ELAVL4: variants seen among roughly 807,000 people sequenced by gnomAD.
The protein encoded by ELAVL4 is ELAV-like protein 4.
A neutral mutation model predicts 35.6 loss-of-function variants in ELAVL4; 1 was observed. The ratio of observed to expected loss-of-function variants is 0.03; its 90% CI spans 0.01 to 0.13. The LOEUF (loss-of-function observed/expected upper bound fraction) is 0.13. ELAVL4 is among the 10% of genes least tolerant of loss of function. The pLI is 1.00. For synonymous variants in ELAVL4, 156 were observed against 171.0 expected (o/e 0.91, Z 0.69); for missense variants, 267 against 464.9 (o/e 0.57, Z 3.91).
chr1:50,099,222 TA>T (rs772606007), upstream of ELAVL4, among the ~76,000 whole-genome samples: 13 of 152,102 alleles, frequency 8.5e-5, no homozygotes, highest in Non-Finnish European at 1.6e-4. Flanking sequence ...ATAAGGCAAA[TA>T]ACGTACAATT....
At chr1:50,196,764 T>C (rs1644086228) in intron 5 of ELAVL4, among the ~76,000 whole-genome samples, 1 of 152,196 alleles carries the variant, frequency 6.6e-6, no homozygotes, top group Non-Finnish European at 1.5e-5. Flanking sequence ...AAAAAGCCTC[T>C]CCAGCAGACT....
rs1217474097 is a variant in ELAVL4 at position 50,202,807 on chromosome 1, CTT to C, written c.*1630_*1631del. On this transcript the variant is annotated 3_prime_UTR_variant, in exon 7 of 7. Coordinates refer to ENST00000371824, the MANE Select transcript of ELAVL4 (RefSeq NM_001144774.3). ...GACAGTTAAAGAGGTATCAAGGTAA[CTT>C]GTGTAGAACTATTCTTTGATATATT... The C allele has an allele frequency of 6.6e-6, 1 of 152,056 alleles. No individual in the cohort carries two copies. Among genetic ancestry groups the C allele is most frequent in the Non-Finnish European group, 1.5e-5 (1 of 67,990 alleles). 9.4% of individuals were successfully genotyped at this position (152,056 alleles called of 1,614,324 possible). A position where few individuals can be genotyped will look rare whatever the true frequency, so the allele number is the denominator to read the frequency against.
At chr1:50,141,576 G>C (rs1216521937) in intron 1 of ELAVL4, among the ~76,000 whole-genome samples, 2 of 152,164 alleles carry the variant, frequency 1.3e-5, no homozygotes, top group Non-Finnish European at 2.9e-5. Flanking sequence ...GAGTTGTGCT[G>C]ATGCTCTGTA....
intron 5 of ELAVL4, among the ~76,000 whole-genome samples, chr1:50,196,200 A>G (rs1027136016): frequency 1.3e-5 from 2 of 152,204 alleles, no homozygotes; most frequent in African/African-American, 2.4e-5. Context: ...TGTTTTTCCT[A>G]TCTTCTTTTC....
At chr1:50,163,260 C>T (rs1677119316) in intron 2 of ELAVL4, among the ~76,000 whole-genome samples, 1 of 152,164 alleles carries the variant, frequency 6.6e-6, no homozygotes, top group Admixed American at 6.5e-5. Context: ...ACTATTGTAA[C>T]ACTTAACTAT....
chr1:50,132,377 A>C (rs1671003931), intron 1 of ELAVL4, among the ~76,000 whole-genome samples: 1 of 152,170 alleles, frequency 6.6e-6, no homozygotes, highest in Non-Finnish European at 1.5e-5. Flanking sequence ...GTAATTAACA[A>C]AAGTGGGAGC....
intron 1 of ELAVL4, among the ~76,000 whole-genome samples, chr1:50,095,711 T>C (rs1295722144): frequency 2.0e-5 from 3 of 152,188 alleles, no homozygotes; most frequent in Non-Finnish European, 2.9e-5. Flanking sequence ...CTCTTTTCCA[T>C]AGCTTTCACA....
chr1:50,118,697 G>A (rs919530427), intron 1 of ELAVL4, among the ~76,000 whole-genome samples: 1 of 151,894 alleles, frequency 6.6e-6, no homozygotes, highest in South Asian at 2.1e-4. Flanking sequence ...TGTTCTAAAT[G>A]GGGACCTGTT....
chr1:50,195,807 A>G (rs1042404696), intron 5 of ELAVL4, 21 bp downstream of exon 5: 1 of 1,613,440 alleles, frequency 6.2e-7, no homozygotes, highest in Non-Finnish European at 8.5e-7. Flanking sequence ...CCAAAGAGGA[A>G]GAAGCCCTGC....
chr1:50,177,247 T>A, intron 3 of ELAVL4, 55 bp downstream of exon 3: 1 of 1,379,576 alleles, frequency 7.2e-7, no homozygotes, highest in Non-Finnish European at 1.0e-6. Context: ...AATTTCATTC[T>A]GTTGATCTGG....
At chr1:50,059,531 A>G (rs1202963550) in intron 1 of ELAVL4, among the ~76,000 whole-genome samples, 1 of 152,174 alleles carries the variant, frequency 6.6e-6, no homozygotes, top group East Asian at 1.9e-4. Flanking sequence ...TTTAAAAAAA[A>G]AGTATTGGTG....
chr1:50,195,893 C>T (rs981493536), intron 5 of ELAVL4, 107 bp downstream of exon 5: 10 of 1,293,186 alleles, frequency 7.7e-6, no homozygotes, highest in Admixed American at 6.9e-5. Flanking sequence ...AAAGCTTCCA[C>T]CCCCAGGAAT....
In ELAVL4 at chr1:50,202,541, G is replaced by A. The variant is rs1207910995; in HGVS notation, c.*1363G>A. ...TGAAACACTTATTTATTTAATCGCCGATGTGATGATGCCTATGGCCGAGAT... is the reference window on the plus strand; with the variant it reads ...TGAAACACTTATTTATTTAATCGCCAATGTGATGATGCCTATGGCCGAGAT... On this transcript the variant is annotated 3_prime_UTR_variant, in exon 7 of 7. Transcript: ENST00000371824. 6.6e-6 allele frequency: 1 copy of A among 152,064 alleles called. No homozygotes were observed. Among genetic ancestry groups the A allele is most frequent in the African/African-American group, 2.4e-5 (1 of 41,438 alleles). 9.4% of individuals were successfully genotyped at this position (152,064 alleles called of 1,614,324 possible).
At chr1:50,199,238 G>A (rs1644253431) in intron 6 of ELAVL4, among the ~76,000 whole-genome samples, 4 of 152,178 alleles carry the variant, frequency 2.6e-5, no homozygotes, top group Admixed American at 2.6e-4. Flanking sequence ...ATTCTAGTTA[G>A]ATACAGAACT....
intron 1 of ELAVL4, among the ~76,000 whole-genome samples, chr1:50,137,523 G>A (rs560791417): frequency 1.3e-4 from 20 of 151,524 alleles, no homozygotes; most frequent in South Asian, 1.3e-3. Flanking sequence ...AGGGAAGGAA[G>A]GAAGGAAGGA....
At chr1:50,111,250 C>A (rs1480339647) in intron 1 of ELAVL4, among the ~76,000 whole-genome samples, 1 of 144,574 alleles carries the variant, frequency 6.9e-6, no homozygotes, top group African/African-American at 2.5e-5. Context: ...TTTTTTTTTT[C>A]CTTTTTCCCC....
At chr1:50,094,554 T>G (rs1301096387) in intron 1 of ELAVL4, among the ~76,000 whole-genome samples, 52 of 152,262 alleles carry the variant, frequency 3.4e-4, no homozygotes, top group Non-Finnish European at 1.2e-4. Flanking sequence ...TTGTGAAACC[T>G]GTGTTGTCAA....
At chr1:50,081,117 AT>A (rs752213606) in intron 1 of ELAVL4, among the ~76,000 whole-genome samples, 1 of 152,204 alleles carries the variant, frequency 6.6e-6, no homozygotes, top group Non-Finnish European at 1.5e-5. Context: ...AGGTGCCAAA[AT>A]AGCCCAAAGA....
chr1:50,184,678 A>G (rs1681559877), intron 3 of ELAVL4, among the ~76,000 whole-genome samples: 1 of 152,216 alleles, frequency 6.6e-6, no homozygotes, highest in Admixed American at 6.5e-5. Context: ...GTTTGATCCT[A>G]TATTTCAAGA....
Sources: gnomAD v4.1 joint callset for allele counts (sites outside exome capture counted in the v4.1 genomes callset) on GRCh38, gnomAD v4.1.1 for gene constraint, MANE v1.5 for transcripts, NCBI Gene and HGNC (gene_info 2026-07-23, HGNC 2026-07-21) for gene names.